Variants in COX6B2 observed in about 807,000 individuals in gnomAD.
COX6B2 encodes the protein COX VIb-2.
COX6B2 carries 12 observed loss-of-function variants against 13.7 expected under a neutral mutation model. That is an observed-to-expected ratio of 0.87 (90% CI 0.56 to 1.41). COX6B2 has a LOEUF of 1.41. COX6B2 is among the 40% of genes most tolerant of loss of function. The probability of loss-of-function intolerance (pLI) is 0.00; values close to 1 mark genes in which losing one functional copy is unlikely to be tolerated. For missense variants in COX6B2, 130 were observed against 118.3 expected, an observed-to-expected ratio of 1.10 and a Z score of -0.46; for synonymous variants, 56 against 46.6, an observed-to-expected ratio of 1.20 and a Z score of -0.82.
In COX6B2 at chr19:55,353,660, G is replaced by C; in HGVS notation, c.*61C>G. The C allele has an allele frequency of 6.6e-7, 1 of 1,521,760 alleles. No homozygotes were observed. Among genetic ancestry groups the C allele is most frequent in the Non-Finnish European group, 9.0e-7 (1 of 1,113,758 alleles). 94.3% of individuals were successfully genotyped at this position (1,521,760 alleles called of 1,614,324 possible). ...TAGGGGTGGATAACCGAGACCCGGG[G>C]CTCCGCGAGACAAAAAGATGCAGGA... On this transcript the variant is annotated 3_prime_UTR_variant, in exon 4 of 5. Coordinates refer to ENST00000326529, the MANE Select transcript of COX6B2 (RefSeq NM_144613.5).
chr19:55,354,435 G>A lies in COX6B2; in HGVS notation c.87C>T (p.Ile29=), dbSNP rs2089694580. The change falls in exon 2 of 5, where the codon ATC becomes ATT. Residue 29 remains isoleucine, a synonymous_variant. Transcript: ENST00000326529. ...CCAGGAAGTTCTGGTAGCAGTTACG[G>A]ATCTGGTTCTGGCTGGGGAAGCGCG... ...FDPRFPSQNQ[I]RNCYQNFLDY... is the part of the protein sequence containing the mutation. 2 of 1,613,938 alleles carry A rather than the reference G, an allele frequency of 1.2e-6. No homozygotes were observed. Among genetic ancestry groups the A allele is most frequent in the Non-Finnish European group, 1.7e-6 (2 of 1,179,924 alleles).
rs1232290918 is a variant in COX6B2 at position 55,350,255 on chromosome 19, G to T, written c.*660C>A. On this transcript the variant is annotated 3_prime_UTR_variant, in exon 5 of 5. Coordinates refer to ENST00000326529, the MANE Select transcript of COX6B2 (RefSeq NM_144613.5). This position sits in a 1 kb window ranked among gnomAD's most constrained non-coding sequence, Gnocchi z 4.2. ...GCAGGGCCTGTCCCATGCATTGCAGGATGTTGAGCGGCTTCTCTGGTCTCC... is the reference window on the plus strand; with the variant it reads ...GCAGGGCCTGTCCCATGCATTGCAGTATGTTGAGCGGCTTCTCTGGTCTCC... 1 of 152,316 alleles carries T rather than the reference G, an allele frequency of 6.6e-6. No homozygotes were observed. Among genetic ancestry groups the T allele is most frequent in the Non-Finnish European group, 1.5e-5 (1 of 68,110 alleles). 9.4% of individuals were successfully genotyped at this position (152,316 alleles called of 1,614,324 possible).
intron 4 of COX6B2, among the ~76,000 whole-genome samples, chr19:55,351,524 C>T (rs533836401): frequency 8.6e-5 from 13 of 151,850 alleles, no homozygotes; most frequent in Admixed American, 4.6e-4. Context: ...GAGGGAAGAA[C>T]CGCAGAGGGA....
Position 55,351,147 on chromosome 19 carries a change from CTG to C in COX6B2, c.*115-349_*115-348del, listed in dbSNP as rs531605422. ...TCTCTATGGCTAGAGACCCCACACA[CTG>C]TGAAGAGGGGGGCCAGACACTGTTC... On this transcript the variant is annotated intron_variant, in intron 4 of 4. Transcript: ENST00000326529. Among the ~76,000 whole-genome samples, 519 of 152,330 alleles carry C rather than the reference CTG, an allele frequency of 3.4e-3. 3 individuals are homozygous for C. Among genetic ancestry groups the C allele is most frequent in the Non-Finnish European group, 6.1e-3 (414 of 68,028 alleles).
At chr19:55,351,448 A>G (rs1464439578) in intron 4 of COX6B2, among the ~76,000 whole-genome samples, 1 of 152,140 alleles carries the variant, frequency 6.6e-6, no homozygotes, top group Non-Finnish European at 1.5e-5. Context: ...GACAGTGAGC[A>G]GGGGAGGCAG....
At chr19:55,353,559 G>A in intron 4 of COX6B2, 48 bp downstream of exon 4, 2 of 699,986 alleles carry the variant, frequency 2.9e-6, no homozygotes, top group Admixed American at 2.7e-5. Context: ...CCACCACCAC[G>A]ACGCATCGCT....
chr19:55,353,422 G>A (rs764404164), intron 4 of COX6B2, 185 bp downstream of exon 4: 5 of 510,420 alleles, frequency 9.8e-6, no homozygotes, highest in African/African-American at 7.8e-5. Context: ...AGGGGGACGG[G>A]AGGCATTCGG....
chr19:55,353,415 G>A, intron 4 of COX6B2, 192 bp downstream of exon 4: 1 of 495,686 alleles, frequency 2.0e-6, no homozygotes, highest in East Asian at 3.8e-5. Flanking sequence ...AGGGAGAAGG[G>A]GGACGGGAGG....
intron 4 of COX6B2, 58 bp downstream of exon 4, chr19:55,353,549 C>T: frequency 1.5e-6 from 1 of 676,742 alleles, no homozygotes; most frequent in Non-Finnish European, 2.5e-6. Flanking sequence ...AGGATCCCCA[C>T]CACCACCACG....
rs545714425 is a variant in COX6B2, at chr19:55,354,545, AGACGG to A, written c.-18-11_-18-7del. ...ATCCACGAAGGAGGCAACTCCTGCG[AGACGG>A]GACGGGACGGGGACTCCGTGGGGCC... is the stretch of plus-strand genomic sequence containing the variant. On this transcript the variant is annotated splice_polypyrimidine_tract_variant and splice_region_variant and intron_variant, in intron 1 of 4. Coordinates refer to ENST00000326529, the MANE Select transcript of COX6B2 (RefSeq NM_144613.5). The A allele has an allele frequency of 8.4e-6, 13 of 1,551,242 alleles. No individual in the cohort carries two copies. The highest frequency in any genetic ancestry group is 2.3e-5 in the South Asian group (2 of 87,190).
chr19:55,354,258 C>G (rs1395612221), intron 2 of COX6B2, 152 bp downstream of exon 2: 2 of 719,936 alleles, frequency 2.8e-6, no homozygotes, highest in Non-Finnish European at 4.8e-6. Context: ...GGCTCAGCCC[C>G]GCCTTTTCTC....
intron 4 of COX6B2, chr19:55,351,886 G>T: frequency 6.5e-6 from 1 of 152,998 alleles, no homozygotes; most frequent in Non-Finnish European, 1.5e-5. Context: ...GTGGGGCAGT[G>T]GCGGCTGCAG....
In COX6B2 at chr19:55,352,483, G is replaced by A. The variant is rs1473841943; in HGVS notation, c.*114+1124C>T. 1 of 152,214 alleles carries A rather than the reference G, an allele frequency of 6.6e-6. No individual in the cohort carries two copies. Among genetic ancestry groups the A allele is most frequent in the Admixed American group, 6.5e-5 (1 of 15,282 alleles). 9.4% of individuals were successfully genotyped at this position (152,214 alleles called of 1,614,324 possible). A position where few individuals can be genotyped will look rare whatever the true frequency, so the allele number is the denominator to read the frequency against. On this transcript the variant is annotated intron_variant, in intron 4 of 4. Coordinates refer to ENST00000326529, the MANE Select transcript of COX6B2 (RefSeq NM_144613.5). This position sits in a 1 kb window ranked among gnomAD's most constrained non-coding sequence, Gnocchi z 6.2. Reference sequence around the variant, plus strand: ...GGAACCTCGGGCTCACACAGGTCAAGAAGCTTGTCTAGGGTCACCCTGCAA... The same window carrying A: ...GGAACCTCGGGCTCACACAGGTCAAAAAGCTTGTCTAGGGTCACCCTGCAA...
Position 55,354,551 on chromosome 19 carries a change from G to C in COX6B2, c.-18-12C>G, listed in dbSNP as rs528311028. ...GAAGGAGGCAACTCCTGCGAGACGG[G>C]ACGGGACGGGGACTCCGTGGGGCCG... On this transcript the variant is annotated splice_polypyrimidine_tract_variant and intron_variant, in intron 1 of 4. Transcript: ENST00000326529. The C allele has an allele frequency of 5.2e-6, 8 of 1,528,976 alleles. No individual in the cohort carries two copies. In the South Asian group the frequency reaches 7.0e-5, roughly 13 times the overall value. 94.7% of individuals were successfully genotyped at this position (1,528,976 alleles called of 1,614,324 possible).
chr19:55,351,161 G>A (rs1187697288), intron 4 of COX6B2, among the ~76,000 whole-genome samples: 1 of 152,186 alleles, frequency 6.6e-6, no homozygotes. Flanking sequence ...GAAGAGGGGG[G>A]CCAGACACTG....
At chr19:55,353,352 C>A (rs2089682653) in intron 4 of COX6B2, 1 of 376,534 alleles carries the variant, frequency 2.7e-6, no homozygotes, top group South Asian at 2.2e-5. Flanking sequence ...GAACTGGGGA[C>A]CCTGGGCTGG....
chr19:55,353,775 C>G lies in COX6B2; in HGVS notation c.214-1G>C, dbSNP rs1350067134. ...TGATCTGCTCGTTCCAGCTCTCCAC[C>G]TGGGAAGCAGAAAGGCAGGGAGCGG... is the stretch of plus-strand genomic sequence containing the variant. On this transcript the variant is annotated splice_acceptor_variant, in intron 3 of 4. Coordinates refer to ENST00000326529, the MANE Select transcript of COX6B2 (RefSeq NM_144613.5). LOFTEE classifies it high-confidence loss of function. The G allele has an allele frequency of 3.7e-6, 6 of 1,608,772 alleles. No homozygotes were observed. Among genetic ancestry groups the G allele is most frequent in the Non-Finnish European group, 8.5e-7 (1 of 1,177,700 alleles).
intron 4 of COX6B2, among the ~76,000 whole-genome samples, chr19:55,351,350 C>G (rs548275726): frequency 6.6e-6 from 1 of 152,300 alleles, no homozygotes; most frequent in East Asian, 1.9e-4. Context: ...AACTCATTCT[C>G]AGAACCATTC....
In COX6B2 at chr19:55,353,910, C is replaced by T. The variant is rs2089687843; in HGVS notation, c.169G>A (p.Glu57Lys). ...GAGTGGTACACGCGGAAATAGTACT[C>T]GCAGGGCTGCGTGCTCTTCCCGCGG... ...TRRGKSTQPC[E>K]YYFRVYHSLC... The change falls in exon 3 of 5, where the codon GAG becomes AAG. Residue 57 changes from glutamate (E) to lysine (K), a missense_variant. Coordinates refer to ENST00000326529, the MANE Select transcript of COX6B2 (RefSeq NM_144613.5). The T allele has an allele frequency of 1.3e-6, 2 of 1,570,204 alleles. No individual in the cohort carries two copies. The highest frequency in any genetic ancestry group is 1.2e-5 in the South Asian group (1 of 85,926).
Sources: allele counts gnomAD v4.1 joint callset (sites outside exome capture counted in the v4.1 genomes callset), GRCh38; gene constraint gnomAD v4.1.1; non-coding constraint Gnocchi (gnomAD v3.1); transcripts MANE v1.5; gene names NCBI Gene and HGNC (gene_info 2026-07-23, HGNC 2026-07-21).